Variants in LPP observed in about 807,000 individuals in gnomAD.
LPP encodes the protein LIM domain containing preferred translocation partner in lipoma.
Under a neutral mutation model 60.4 loss-of-function variants are expected in LPP, and 38 were observed. The observed-to-expected ratio is 0.63, with a 90% confidence interval of 0.49 to 0.83. The LOEUF is 0.83. Among genes scored for constraint, LPP ranks in the 40% least tolerant of loss-of-function variants. LPP has a pLI of 0.00. For missense variants in LPP, 902 were observed against 783.6 expected (o/e 1.15, Z -1.80); for synonymous variants, 328 against 290.8 (o/e 1.13, Z -1.30).
intron 6 of LPP, among the ~76,000 whole-genome samples, chr3:188,591,134 A>G (rs1299772572): frequency 1.3e-5 from 2 of 152,184 alleles, no homozygotes; most frequent in African/African-American, 4.8e-5. Context: ...CTGAGGAAAA[A>G]TTATTTAGGT....
intron 2 of LPP, among the ~76,000 whole-genome samples, chr3:188,251,878 T>C (rs1729752233): frequency 6.6e-6 from 1 of 151,590 alleles, no homozygotes; most frequent in Admixed American, 6.6e-5. Flanking sequence ...TGTTTAATTT[T>C]ATTTTTTGAA....
chr3:188,523,050 G>A (rs1250366019), intron 5 of LPP, among the ~76,000 whole-genome samples: 2 of 151,906 alleles, frequency 1.3e-5, no homozygotes, highest in Non-Finnish European at 2.9e-5. Context: ...TGGGATTACA[G>A]GGGCCTGCCA....
intron 8 of LPP, chr3:188,725,546 G>A (rs1032876430): frequency 1.3e-5 from 2 of 152,140 alleles, no homozygotes; most frequent in Admixed American, 6.5e-5. Context: ...GTTGCTAGGG[G>A]CTTGTAATCT....
At chr3:188,681,728 G>A (rs1304752427) in intron 7 of LPP, among the ~76,000 whole-genome samples, 2 of 152,172 alleles carry the variant, frequency 1.3e-5, no homozygotes, top group Non-Finnish European at 2.9e-5. Flanking sequence ...GGACCCTTGT[G>A]TAATAATGTT....
At chr3:188,811,476 T>G (rs1253009415) in intron 9 of LPP, among the ~76,000 whole-genome samples, 1 of 151,960 alleles carries the variant, frequency 6.6e-6, no homozygotes, top group African/African-American at 2.4e-5. Context: ...ATATTAACCT[T>G]TAAGTATAGC....
chr3:188,366,885 CATTATAA>C (rs1400299445), intron 3 of LPP, among the ~76,000 whole-genome samples: 3 of 151,848 alleles, frequency 2.0e-5, no homozygotes, highest in African/African-American at 7.3e-5. Context: ...TGTTTTGCTG[CATTATAA>C]AGAATTGATT....
intron 9 of LPP, among the ~76,000 whole-genome samples, chr3:188,769,038 AT>A (rs1735028911): frequency 6.6e-6 from 1 of 152,222 alleles, no homozygotes; most frequent in African/African-American, 2.4e-5. Context: ...AGCTGACAAT[AT>A]AAAAATGACA....
chr3:188,730,613 A>C (rs1720104754), intron 8 of LPP, among the ~76,000 whole-genome samples: 1 of 152,214 alleles, frequency 6.6e-6, no homozygotes, highest in Non-Finnish European at 1.5e-5. Context: ...AACTGGATCG[A>C]CATGATAGGA....
chr3:188,473,108 C>T (rs1802272402), intron 4 of LPP, among the ~76,000 whole-genome samples: 1 of 151,932 alleles, frequency 6.6e-6, no homozygotes, highest in African/African-American at 2.4e-5. Context: ...TTACTTTTTC[C>T]TTAAAATTTA....
intron 5 of LPP, among the ~76,000 whole-genome samples, chr3:188,506,952 C>T (rs1204440372): frequency 1.3e-5 from 2 of 152,138 alleles, no homozygotes; most frequent in South Asian, 4.2e-4. Context: ...CGCCCACCAC[C>T]ACACCTGGCT....
intron 9 of LPP, among the ~76,000 whole-genome samples, chr3:188,782,742 A>G (rs1289731459): frequency 6.6e-6 from 1 of 151,586 alleles, no homozygotes; most frequent in Non-Finnish European, 1.5e-5. Context: ...TTGCTGGGAA[A>G]AAAAAAAACA....
intron 6 of LPP, among the ~76,000 whole-genome samples, chr3:188,604,823 A>G (rs986500914): frequency 6.6e-6 from 1 of 152,150 alleles, no homozygotes; most frequent in Non-Finnish European, 1.5e-5. Context: ...AGACATATGC[A>G]CATGTGATAT....
intron 4 of LPP, among the ~76,000 whole-genome samples, chr3:188,412,240 A>T (rs1380835969): frequency 6.6e-6 from 1 of 152,102 alleles, no homozygotes; most frequent in Non-Finnish European, 1.5e-5. Context: ...TCTAAATATA[A>T]TAACCTTTAC....
chr3:188,844,748 A>T (rs1160259321), intron 9 of LPP, among the ~76,000 whole-genome samples: 1 of 152,246 alleles, frequency 6.6e-6, no homozygotes, highest in Non-Finnish European at 1.5e-5. Context: ...TTAGAGGGCT[A>T]AATTTTTAAT....
At chr3:188,247,252 C>A in intron 2 of LPP, 24 of 698,990 alleles carry the variant, frequency 3.4e-5, no homozygotes, top group Non-Finnish European at 3.7e-5. Flanking sequence ...TTGCAGGGCA[C>A]TTTAGTGGGA....
intron 4 of LPP, among the ~76,000 whole-genome samples, chr3:188,473,403 A>G (rs1802350961): frequency 6.6e-6 from 1 of 152,198 alleles, no homozygotes; most frequent in Non-Finnish European, 1.5e-5. Flanking sequence ...CACCTTAGTC[A>G]TCTTTAATTT....
intron 9 of LPP, among the ~76,000 whole-genome samples, chr3:188,856,378 T>C (rs1212636837): frequency 2.0e-5 from 3 of 152,218 alleles, no homozygotes; most frequent in Non-Finnish European, 2.9e-5. Flanking sequence ...TGGGTACTTG[T>C]GTATATATTT....
intron 6 of LPP, among the ~76,000 whole-genome samples, chr3:188,591,137 A>T (rs1838616532): frequency 6.6e-6 from 1 of 152,222 alleles, no homozygotes; most frequent in South Asian, 2.1e-4. Context: ...AGGAAAAATT[A>T]TTTAGGTCAC....
chr3:188,590,449 T>C (rs1187746603), intron 6 of LPP, among the ~76,000 whole-genome samples: 1 of 151,932 alleles, frequency 6.6e-6, no homozygotes, highest in Non-Finnish European at 1.5e-5. Context: ...TGGCACATGT[T>C]TGTAATCCCA....
Sources: gnomAD v4.1 joint callset for allele counts (sites outside exome capture counted in the v4.1 genomes callset) on GRCh38, gnomAD v4.1.1 for gene constraint, MANE v1.5 for transcripts, NCBI Gene and HGNC (gene_info 2026-07-23, HGNC 2026-07-21) for gene names.